The following ZNF782 variants were observed in gnomAD, a reference collection of about 807,000 sequenced individuals.
ZNF782 encodes the protein zinc finger protein 782.
ZNF782 carries 12 observed loss-of-function variants against 13.0 expected under a neutral mutation model. The ratio of observed to expected loss-of-function variants is 0.92; its 90% CI spans 0.59 to 1.50. The LOEUF (loss-of-function observed/expected upper bound fraction) is 1.50. ZNF782 is among the 40% of genes most tolerant of loss of function. The probability of loss-of-function intolerance (pLI) is 0.00; values close to 1 mark genes in which losing one functional copy is unlikely to be tolerated. For missense variants in ZNF782, 770 were observed against 822.9 expected (o/e 0.94, Z 0.79); for synonymous variants, 284 against 283.0 (o/e 1.00, Z -0.04).
At chr9:96,867,209 G>A (rs1463683109) in intron 1 of ZNF782, among the ~76,000 whole-genome samples, 1 of 152,202 alleles carries the variant, frequency 6.6e-6, no homozygotes, top group Non-Finnish European at 1.5e-5. Flanking sequence ...TCCACGTGTT[G>A]TGGGAGGGAC....
the ZNF782 span, among the ~76,000 whole-genome samples, chr9:96,899,914 C>CT: frequency 2.0e-5 from 3 of 151,578 alleles, no homozygotes; most frequent in Non-Finnish European, 4.4e-5. Context: ...ATCCTCCTAC[C>CT]TTAGCCTCCT....
At chr9:96,842,751 G>A (rs901633762) in intron 4 of ZNF782, among the ~76,000 whole-genome samples, 1 of 151,924 alleles carries the variant, frequency 6.6e-6, no homozygotes, top group Non-Finnish European at 1.5e-5. Context: ...CCCATGAAGA[G>A]GATGAAAAGA....
At chr9:96,862,273 ATAGT>A (rs1348701895) in intron 1 of ZNF782, among the ~76,000 whole-genome samples, 1 of 152,260 alleles carries the variant, frequency 6.6e-6, no homozygotes, top group Admixed American at 6.5e-5. Context: ...GCACACACAC[ATAGT>A]TAGAAAGAAT....
chr9:96,856,937 T>C (rs1415224549), upstream of ZNF782, among the ~76,000 whole-genome samples: 1 of 152,186 alleles, frequency 6.6e-6, no homozygotes, highest in East Asian at 1.9e-4. Flanking sequence ...CAACTGACTA[T>C]GGGGAATGTT....
chr9:96,871,817 A>C (rs1202939425), intron 1 of ZNF782, among the ~76,000 whole-genome samples: 1 of 152,230 alleles, frequency 6.6e-6, no homozygotes, highest in African/African-American at 2.4e-5. Context: ...TCAAAGCTTA[A>C]AATTACACTA....
chr9:96,920,175 C>T, the ZNF782 span, among the ~76,000 whole-genome samples: 1 of 149,946 alleles, frequency 6.7e-6, no homozygotes, highest in Non-Finnish European at 1.5e-5. Context: ...CTGGAAAGGG[C>T]ACTTGGGGTT....
At chr9:96,932,517 C>T in the ZNF782 span, 202,408 of 1,202,536 alleles carry the variant, frequency 0.17, 3 homozygotes, top group Middle Eastern at 0.25. Flanking sequence ...GCTTGCAGGG[C>T]GGTTGTGAGG....
chr9:96,879,279 G>A (rs946390836), upstream of ZNF782, among the ~76,000 whole-genome samples: 1 of 152,190 alleles, frequency 6.6e-6, no homozygotes, highest in Non-Finnish European at 1.5e-5. Context: ...ACGAGGTCAA[G>A]AGATCGAGAC....
In ZNF782 at chr9:96,818,087, A is replaced by G; in HGVS notation, c.1936T>C (p.Tyr646His). The G allele has an allele frequency of 1.9e-6, 3 of 1,613,754 alleles. No homozygotes were observed. Among genetic ancestry groups the G allele is most frequent in the African/African-American group, 1.3e-5 (1 of 74,904 alleles). ...HQRTHTGEKPYNCNQCGEAFS... is the reference protein window; with the variant it reads ...HQRTHTGEKPHNCNQCGEAFS... Reference sequence around the variant, plus strand: ...GCTTCCCCACACTGATTACAATTATATGGTTTCTCCCCGGTGTGAGTTCGC... The same window carrying G: ...GCTTCCCCACACTGATTACAATTATGTGGTTTCTCCCCGGTGTGAGTTCGC... The change falls in exon 6 of 6, where the codon TAT becomes CAT. Residue 646 changes from tyrosine to histidine, a missense_variant. Tyr to His is a moderately conservative substitution (Grantham distance 83, BLOSUM62 2). Coordinates refer to ENST00000481138, the MANE Select transcript of ZNF782 (RefSeq NM_001001662.3).
chr9:96,866,955 A>T (rs1394692994), intron 1 of ZNF782, among the ~76,000 whole-genome samples: 5 of 152,042 alleles, frequency 3.3e-5, no homozygotes, highest in African/African-American at 1.2e-4. Flanking sequence ...CTGTACCCCC[A>T]TTGTATCTAG....
intron 5 of ZNF782, among the ~76,000 whole-genome samples, chr9:96,822,070 T>C (rs1176704551): frequency 1.3e-5 from 2 of 152,226 alleles, no homozygotes; most frequent in Non-Finnish European, 2.9e-5. Flanking sequence ...CTGTAATTTA[T>C]ATGAAGACAG....
the ZNF782 span, among the ~76,000 whole-genome samples, chr9:96,907,813 G>C: frequency 6.6e-6 from 1 of 151,652 alleles, no homozygotes; most frequent in East Asian, 1.9e-4. Context: ...GCTAATTTTT[G>C]TATTTTTAGT....
chr9:96,907,602 C>T, the ZNF782 span, among the ~76,000 whole-genome samples: 4 of 152,166 alleles, frequency 2.6e-5, no homozygotes, highest in African/African-American at 9.7e-5. Context: ...TCTCCAATAC[C>T]ACACTGCCTT....
chr9:96,931,596 G>A, the ZNF782 span: 3 of 796,956 alleles, frequency 3.8e-6, no homozygotes, highest in Non-Finnish European at 6.1e-6. Flanking sequence ...GCACACTCAG[G>A]GACACTTGCA....
upstream of ZNF782, among the ~76,000 whole-genome samples, chr9:96,878,818 A>T (rs73654629): frequency 0.079 from 12,070 of 152,200 alleles, 1,445 homozygotes; most frequent in African/African-American, 0.26. Flanking sequence ...AGAATTGTGC[A>T]GTTAAAATGT....
intron 4 of ZNF782, among the ~76,000 whole-genome samples, chr9:96,837,161 G>A (rs983962206): frequency 6.6e-5 from 10 of 152,114 alleles, no homozygotes; most frequent in African/African-American, 1.7e-4. Context: ...TACATTTCTC[G>A]CCTAGCCCTT....
rs545927643 is a variant in ZNF782, at chr9:96,854,285, C to G, written c.-459G>C. The G allele has an allele frequency of 1.3e-5, 2 of 152,532 alleles. No homozygotes were observed. Among genetic ancestry groups the G allele is most frequent in the African/African-American group, 4.8e-5 (2 of 41,600 alleles). The allele number at this position is 152,532 out of a possible 1,614,324, so 9.4% of individuals were successfully genotyped here. A position where few individuals can be genotyped will look rare whatever the true frequency, so the allele number is the denominator to read the frequency against. On this transcript the variant is annotated 5_prime_UTR_variant, in exon 1 of 6. Coordinates refer to ENST00000481138, the MANE Select transcript of ZNF782 (RefSeq NM_001001662.3). ...GCTCAGCCTCAGCCGCCCCGGGAGC[C>G]AGCGGCCGAAGTCCCTCTCCAGCGG...
At chr9:96,912,868 T>C in the ZNF782 span, among the ~76,000 whole-genome samples, 1 of 151,870 alleles carries the variant, frequency 6.6e-6, no homozygotes, top group African/African-American at 2.4e-5. Flanking sequence ...CTGGGGTTTT[T>C]TTTGGCCTGT....
At chr9:96,838,717 C>CT (rs139436021) in intron 4 of ZNF782, among the ~76,000 whole-genome samples, 18,745 of 136,106 alleles carry the variant, frequency 0.14, 3,220 homozygotes, top group African/African-American at 0.39. Context: ...TTTTTCTTTT[C>CT]TTTTTTTTTT....
Sources: allele counts gnomAD v4.1 joint callset (sites outside exome capture counted in the v4.1 genomes callset), GRCh38; gene constraint gnomAD v4.1.1; transcripts MANE v1.5; gene names NCBI Gene and HGNC (gene_info 2026-07-23, HGNC 2026-07-21).